Variants in LAMP5 observed in about 807,000 individuals in gnomAD.
LAMP5 encodes lysosome associated membrane protein 5.
In LAMP5, 36 loss-of-function variants were observed where a neutral mutation model predicts 30.2. The ratio of observed to expected loss-of-function variants is 1.19; its 90% CI spans 0.91 to 1.57. The LOEUF is 1.57. Ranked by LOEUF, LAMP5 falls within the 40% of genes most tolerant of loss-of-function variation. LAMP5 has a pLI of 0.00. For missense variants in LAMP5, 377 were observed against 354.9 expected, an observed-to-expected ratio of 1.06 and a Z score of -0.50; for synonymous variants, 149 against 134.6, an observed-to-expected ratio of 1.11 and a Z score of -0.74.
rs562710129 is a variant in LAMP5, at chr20:9,529,826, G to A, written c.*6G>A. 2.2e-5 allele frequency: 36 copies of A among 1,613,332 alleles called. No individual in the cohort carries two copies. Among genetic ancestry groups the A allele is most frequent in the East Asian group, 1.6e-4 (7 of 44,864 alleles). The stretch of plus-strand genomic sequence containing the variant: ...AGTATAAGCACATGGGCTAGAGGCC[G>A]TTAGGCAGGCACCCCCTATTCCTGC... On this transcript the variant is annotated 3_prime_UTR_variant, in exon 6 of 6. Coordinates refer to ENST00000246070, the MANE Select transcript of LAMP5 (RefSeq NM_012261.4).
Position 9,516,358 on chromosome 20 carries a change from A to G in LAMP5, c.472A>G (p.Ser158Gly), listed in dbSNP as rs2232266. The G allele has an allele frequency of 9.9e-5, 160 of 1,612,422 alleles. 2 individuals carry two copies. The East Asian group carries it at 2.5e-3, about 25-fold the overall frequency. ...GAAAACCCACTTCAAAGACGCAGTCAGTGGTGAGTGGAGGCTGGCATGGCT... is the reference window on the plus strand; with the variant it reads ...GAAAACCCACTTCAAAGACGCAGTCGGTGGTGAGTGGAGGCTGGCATGGCT... The part of the protein sequence containing the change: ...SEKTHFKDAV[S>G]AGKHTANSHH... Residue 158 changes from serine to glycine, a missense_variant, in exon 4 of 6, where the codon AGT (serine) becomes GGT (glycine). By Grantham distance (56) the Ser-to-Gly change is moderately conservative. Coordinates refer to ENST00000246070, the MANE Select transcript of LAMP5 (RefSeq NM_012261.4).
At chr20:9,521,813 A>T (rs1190841964) in intron 5 of LAMP5, among the ~76,000 whole-genome samples, 1 of 152,240 alleles carries the variant, frequency 6.6e-6, no homozygotes, top group East Asian at 1.9e-4. Context: ...GGAAACTTTT[A>T]TGTATTATGT....
chr20:9,516,907 C>A (rs1320223561), intron 4 of LAMP5, among the ~76,000 whole-genome samples: 2 of 152,124 alleles, frequency 1.3e-5, no homozygotes, highest in Non-Finnish European at 2.9e-5. Flanking sequence ...GCGTTTCTGG[C>A]CCATCCCTCC....
intron 5 of LAMP5, among the ~76,000 whole-genome samples, chr20:9,519,174 A>G (rs1603170000): frequency 6.6e-6 from 1 of 152,320 alleles, no homozygotes; most frequent in East Asian, 1.9e-4. Flanking sequence ...TCTCCCTCAC[A>G]AAGGAGGTTA....
rs149918708 is a variant in LAMP5 at position 9,519,608 on chromosome 20, GTC to G, written c.664+1386_664+1387del. Among the ~76,000 whole-genome samples, 9 of 152,332 alleles carry G rather than the reference GTC, an allele frequency of 5.9e-5. 1 individual carries two copies. The East Asian group carries it at 1.7e-3, about 29-fold the overall frequency. ...GCATTTACAAAATGTAACAGTCAGT[GTC>G]TCTCTTAAACTGAAAATATTAAGCA... On this transcript the variant is annotated intron_variant, in intron 5 of 5. Coordinates refer to ENST00000246070, the MANE Select transcript of LAMP5 (RefSeq NM_012261.4).
intron 2 of LAMP5, 144 bp from the exon 3 acceptor site, chr20:9,515,856 C>A: frequency 9.6e-7 from 1 of 1,044,802 alleles, no homozygotes; most frequent in Non-Finnish European, 1.3e-6. Flanking sequence ...CGTAGAGCAT[C>A]TAACCGCATG....
intron 5 of LAMP5, among the ~76,000 whole-genome samples, chr20:9,520,297 T>C (rs2045070647): frequency 6.6e-6 from 1 of 152,254 alleles, no homozygotes; most frequent in Non-Finnish European, 1.5e-5. Context: ...ACTGGATCAG[T>C]GTGCCTTTGT....
intron 5 of LAMP5, among the ~76,000 whole-genome samples, chr20:9,521,060 T>A (rs1243706355): frequency 6.6e-6 from 1 of 152,026 alleles, no homozygotes; most frequent in African/African-American, 2.4e-5. Flanking sequence ...GTTTGAAGGA[T>A]TAAAGGCACA....
Position 9,515,532 on chromosome 20 carries a change from T to G in LAMP5, c.144T>G (p.Phe48Leu). The G allele has an allele frequency of 6.2e-7, 1 of 1,614,182 alleles. No individual in the cohort carries two copies. Among genetic ancestry groups the G allele is most frequent in the Non-Finnish European group, 8.5e-7 (1 of 1,180,016 alleles). ...GLSTNPEKDIFVVRENGTTCL... is the reference protein window; with the variant it reads ...GLSTNPEKDILVVRENGTTCL... The stretch of plus-strand genomic sequence containing the variant: ...CCACTAACCCTGAAAAAGATATATT[T>G]GTGGTGCGGGAAAATGGGACGACGT... The change falls in exon 2 of 6, where the codon TTT (phenylalanine) becomes TTG (leucine). Residue 48 changes from phenylalanine (F) to leucine (L), a missense_variant. Phe to Leu is a conservative substitution (Grantham distance 22). Transcript: ENST00000246070.
intron 1 of LAMP5, 94 bp from the exon 2 acceptor site, chr20:9,515,359 C>T (rs1399612670): frequency 6.4e-6 from 8 of 1,243,730 alleles, no homozygotes; most frequent in African/African-American, 6.0e-5. Flanking sequence ...AACTTTGTCA[C>T]TCCAAAGCCT....
chr20:9,516,455 C>A, intron 4 of LAMP5, 94 bp downstream of exon 4: 1 of 1,053,704 alleles, frequency 9.5e-7, no homozygotes, highest in Non-Finnish European at 1.5e-6. Flanking sequence ...AACCGTCCCA[C>A]GCTTTGAGGT....
intron 5 of LAMP5, among the ~76,000 whole-genome samples, chr20:9,519,303 C>T (rs1452412793): frequency 1.3e-5 from 2 of 152,190 alleles, no homozygotes; most frequent in Admixed American, 6.5e-5. Context: ...TGCCAATGTT[C>T]AGGATATTAG....
Position 9,530,273 on chromosome 20 carries a change from A to G in LAMP5, c.*453A>G, listed in dbSNP as rs2045141751. The G allele has an allele frequency of 6.5e-6, 1 of 154,398 alleles. No individual in the cohort carries two copies. The highest frequency in any genetic ancestry group is 6.4e-5 in the Admixed American group (1 of 15,646). 9.6% of individuals were successfully genotyped at this position (154,398 alleles called of 1,614,324 possible). A position where few individuals can be genotyped will look rare whatever the true frequency, so the allele number is the denominator to read the frequency against. ...CAGTTGTCAATGCACACAGAATACAACCTCATGCTCCCTGCAGCAAGACCC... is the reference window on the plus strand; with the variant it reads ...CAGTTGTCAATGCACACAGAATACAGCCTCATGCTCCCTGCAGCAAGACCC... On this transcript the variant is annotated 3_prime_UTR_variant, in exon 6 of 6. Coordinates refer to ENST00000246070, the MANE Select transcript of LAMP5 (RefSeq NM_012261.4).
At chr20:9,518,354 C>A in intron 5 of LAMP5, 126 bp downstream of exon 5, 1 of 741,496 alleles carries the variant, frequency 1.3e-6, no homozygotes, top group Non-Finnish European at 2.2e-6. Context: ...CACTGCCTGC[C>A]TCTTTAATAA....
chr20:9,522,019 C>T (rs549276391), intron 5 of LAMP5, among the ~76,000 whole-genome samples: 1 of 152,320 alleles, frequency 6.6e-6, no homozygotes, highest in East Asian at 1.9e-4. Flanking sequence ...TCCCCATTTA[C>T]AGTGGAGCAG....
chr20:9,523,525 T>C (rs963945109), intron 5 of LAMP5, among the ~76,000 whole-genome samples: 3 of 152,310 alleles, frequency 2.0e-5, no homozygotes, highest in Non-Finnish European at 4.4e-5. Flanking sequence ...TTTTAGTGGG[T>C]ACACTTGGGT....
intron 5 of LAMP5, among the ~76,000 whole-genome samples, chr20:9,525,343 T>C (rs1439816621): frequency 6.6e-6 from 1 of 152,250 alleles, no homozygotes; most frequent in East Asian, 1.9e-4. Context: ...ACAGAAAAGC[T>C]ACTCTGTGCC....
rs749403731 is a variant in LAMP5 at position 9,515,540 on chromosome 20, G to A, written c.152G>A (p.Arg51Gln). Residue 51 changes from arginine to glutamine, a missense_variant, in exon 2 of 6, where the codon CGG becomes CAG. Physicochemically the swap from Arg to Gln is conservative, Grantham distance 43 (BLOSUM62 1). Coordinates refer to ENST00000246070, the MANE Select transcript of LAMP5 (RefSeq NM_012261.4). Reference sequence around the variant, plus strand: ...CCTGAAAAAGATATATTTGTGGTGCGGGAAAATGGGACGACGTGTCTCATG... The same window carrying A: ...CCTGAAAAAGATATATTTGTGGTGCAGGAAAATGGGACGACGTGTCTCATG... ...TNPEKDIFVV[R>Q]ENGTTCLMAE... 1.2e-6 allele frequency: 2 copies of A among 1,614,024 alleles called. No homozygotes were observed. Among genetic ancestry groups the A allele is most frequent in the Non-Finnish European group, 8.5e-7 (1 of 1,180,032 alleles).
In LAMP5 at chr20:9,523,035, G is replaced by A. The variant is rs376121618; in HGVS notation, c.664+4807G>A. 3.9e-5 allele frequency among the ~76,000 whole-genome samples: 5 copies of A among 127,734 alleles called. No homozygotes were observed. The East Asian group carries it at 9.5e-4, about 24-fold the overall frequency. 83.8% of individuals were successfully genotyped at this position (127,734 alleles called of 152,430 possible). On this transcript the variant is annotated intron_variant, in intron 5 of 5. Coordinates refer to ENST00000246070, the MANE Select transcript of LAMP5 (RefSeq NM_012261.4). ...GCTGGCCTTGAACTCCTGGGCATAA[G>A]CAATCTTCCCACTTCAGCCTCCCAA... is the stretch of plus-strand genomic sequence containing the variant.
Sources: gnomAD v4.1 joint callset for allele counts (sites outside exome capture counted in the v4.1 genomes callset) on GRCh38, gnomAD v4.1.1 for gene constraint, MANE v1.5 for transcripts, NCBI Gene and HGNC (gene_info 2026-07-23, HGNC 2026-07-21) for gene names.